The following LGR4 variants were observed in gnomAD, a reference collection of about 807,000 sequenced individuals.
LGR4 encodes the protein leucine-rich repeat-containing G protein-coupled receptor 4.
Under a neutral mutation model 84.8 loss-of-function variants are expected in LGR4, and 44 were observed. The observed-to-expected ratio is 0.52, with a 90% CI of 0.41 to 0.67. The LOEUF is 0.67. Ranked by LOEUF, LGR4 falls within the 30% of genes least tolerant of loss-of-function variation. The pLI is 0.00. For missense variants in LGR4, 1,032 were observed against 1,131.4 expected (o/e 0.91, Z 1.26); for synonymous variants, 429 against 434.3 (o/e 0.99, Z 0.15).
In LGR4 at chr11:27,378,752, T is replaced by C. The variant is rs770556748; in HGVS notation, c.988A>G (p.Lys330Glu). Residue 330 changes from lysine to glutamate, a missense_variant, in exon 11 of 18, where the codon AAG becomes GAG. Lys to Glu is a moderately conservative substitution (Grantham distance 56). Coordinates refer to ENST00000379214, the MANE Select transcript of LGR4 (RefSeq NM_018490.5). ...AAATTATTAGGTATGCTGCTTATCT[T>C]TGTACCTGTCAAAGTCCTGCGGAAA... is the stretch of plus-strand genomic sequence containing the variant. ...HLESLTLTGT[K>E]ISSIPNNLCQ... The C allele has an allele frequency of 5.6e-6, 9 of 1,611,482 alleles. No individual in the cohort carries two copies. Among genetic ancestry groups the C allele is most frequent in the African/African-American group, 1.3e-5 (1 of 74,806 alleles).
intron 1 of LGR4, among the ~76,000 whole-genome samples, chr11:27,428,039 C>T (rs1864054091): frequency 6.6e-6 from 1 of 152,116 alleles, no homozygotes; most frequent in African/African-American, 2.4e-5. Context: ...ATTTTCTTGC[C>T]CTGTTTGGCA....
chr11:27,395,757 G>A (rs58454004), intron 2 of LGR4, among the ~76,000 whole-genome samples: 2,764 of 152,188 alleles, frequency 0.018, 85 homozygotes, highest in African/African-American at 0.063. Flanking sequence ...GTAAGTTTAC[G>A]GAGCTGCTGT....
At chr11:27,419,596 ATATG>A (rs1297955508) in intron 1 of LGR4, among the ~76,000 whole-genome samples, 1 of 147,688 alleles carries the variant, frequency 6.8e-6, no homozygotes, top group Admixed American at 6.8e-5. Flanking sequence ...GTTTTAATAT[ATATG>A]TATTATATAT....
At chr11:27,441,474 T>G in intron 1 of LGR4, among the ~76,000 whole-genome samples, 1 of 151,896 alleles carries the variant, frequency 6.6e-6, no homozygotes, top group East Asian at 1.9e-4. Flanking sequence ...AAAAATCGCC[T>G]TTAATAAGAC....
At chr11:27,439,182 G>T (rs553497199) in intron 1 of LGR4, among the ~76,000 whole-genome samples, 1 of 152,086 alleles carries the variant, frequency 6.6e-6, no homozygotes, top group East Asian at 1.9e-4. Flanking sequence ...TTTTCATCTT[G>T]CAAAACTGAA....
intron 1 of LGR4, among the ~76,000 whole-genome samples, chr11:27,436,146 C>T (rs1864203116): frequency 2.0e-5 from 3 of 151,604 alleles, no homozygotes; most frequent in South Asian, 2.1e-4. Context: ...CTCCTGACCT[C>T]GTGATCCACC....
intron 2 of LGR4, among the ~76,000 whole-genome samples, chr11:27,393,945 G>A (rs950753177): frequency 7.8e-6 from 1 of 128,534 alleles, no homozygotes; most frequent in Admixed American, 7.8e-5. Flanking sequence ...AGATTGGGGG[G>A]GGGGGGGGGC....
At chr11:27,458,502 C>G (rs1864615598) in intron 1 of LGR4, among the ~76,000 whole-genome samples, 1 of 151,676 alleles carries the variant, frequency 6.6e-6, no homozygotes. Flanking sequence ...GGAGTTTTCT[C>G]TATAAATTCA....
At chr11:27,457,629 C>T (rs1053158602) in intron 1 of LGR4, among the ~76,000 whole-genome samples, 4 of 152,184 alleles carry the variant, frequency 2.6e-5, no homozygotes, top group African/African-American at 9.7e-5. Context: ...TATAAACATA[C>T]ATTTACCATA....
intron 1 of LGR4, among the ~76,000 whole-genome samples, chr11:27,423,278 A>G (rs1863956011): frequency 6.6e-6 from 1 of 152,194 alleles, no homozygotes; most frequent in South Asian, 2.1e-4. Context: ...GGAGAATTCT[A>G]AATGATGAGG....
At chr11:27,380,231 G>C (rs1234927387) in intron 10 of LGR4, 40 bp downstream of exon 10, 3 of 1,320,106 alleles carry the variant, frequency 2.3e-6, no homozygotes, top group Non-Finnish European at 1.1e-6. Flanking sequence ...GTCCAGTAGT[G>C]TTATCTTTAT....
At chr11:27,431,888 T>G (rs1864123546) in intron 1 of LGR4, among the ~76,000 whole-genome samples, 1 of 152,204 alleles carries the variant, frequency 6.6e-6, no homozygotes, top group Non-Finnish European at 1.5e-5. Context: ...TGTGTTTAGC[T>G]TCCTCATCTA....
intron 2 of LGR4, among the ~76,000 whole-genome samples, chr11:27,405,292 G>T (rs1863583877): frequency 6.6e-6 from 1 of 152,056 alleles, no homozygotes; most frequent in Non-Finnish European, 1.5e-5. Context: ...GCAGAGTTCT[G>T]CCCCAGTTCT....
At chr11:27,459,171 A>T (rs1182796637) in intron 1 of LGR4, among the ~76,000 whole-genome samples, 5 of 152,206 alleles carry the variant, frequency 3.3e-5, no homozygotes, top group African/African-American at 1.2e-4. Context: ...AACTTCTAGA[A>T]GAGATGTCTA....
chr11:27,447,219 T>C (rs1254536079), intron 1 of LGR4, among the ~76,000 whole-genome samples: 1 of 152,074 alleles, frequency 6.6e-6, no homozygotes, highest in African/African-American at 2.4e-5. Context: ...CAAACGATTC[T>C]GAGCATGAAG....
chr11:27,453,519 CCTTGATGGTATGTAACAT>C (rs1864521426), intron 1 of LGR4, among the ~76,000 whole-genome samples: 1 of 152,126 alleles, frequency 6.6e-6, no homozygotes, highest in African/African-American at 2.4e-5. Flanking sequence ...GCTTTATTTT[CCTTGATGGTATGTAACAT>C]TACCTGACCT....
rs1225161093 is a variant in LGR4, at chr11:27,472,179, C to A, written c.124G>T (p.Asp42Tyr). 3 of 1,417,734 alleles carry A rather than the reference C, an allele frequency of 2.1e-6. 1 individual carries two copies. Among genetic ancestry groups the A allele is most frequent in the Non-Finnish European group, 2.8e-6 (3 of 1,086,472 alleles). 87.8% of individuals were successfully genotyped at this position (1,417,734 alleles called of 1,614,324 possible). Residue 42 changes from aspartate (D) to tyrosine (Y), a missense_variant, in exon 1 of 18, where the codon GAC (aspartate) becomes TAC (tyrosine). Coordinates refer to ENST00000379214, the MANE Select transcript of LGR4 (RefSeq NM_018490.5). ...GCCGTCAGCCCCTTCCCGGAGCAGT[C>A]CACCCGACGGTCGCCGTCGCAGCTG... ...PCSCDGDRRV[D>Y]CSGKGLTAVP...
At chr11:27,408,031 G>A (rs1863644310) in intron 2 of LGR4, among the ~76,000 whole-genome samples, 2 of 152,034 alleles carry the variant, frequency 1.3e-5, no homozygotes, top group African/African-American at 2.4e-5. Context: ...ATAGATCTGT[G>A]TGCAGAATGT....
At chr11:27,410,304 ACTT>A (rs1383958915) in intron 2 of LGR4, among the ~76,000 whole-genome samples, 1 of 152,084 alleles carries the variant, frequency 6.6e-6, no homozygotes, top group Non-Finnish European at 1.5e-5. Flanking sequence ...ATCTATACAT[ACTT>A]CTTCTGTATT....
Sources: gnomAD v4.1 joint callset for allele counts (sites outside exome capture counted in the v4.1 genomes callset) on GRCh38, gnomAD v4.1.1 for gene constraint, MANE v1.5 for transcripts, NCBI Gene and HGNC (gene_info 2026-07-23, HGNC 2026-07-21) for gene names.